Variants in DOCK4 observed in about 807,000 individuals in gnomAD.
DOCK4 encodes dedicator of cytokinesis protein 4.
A neutral mutation model predicts 268.1 loss-of-function variants in DOCK4; 97 were observed. The ratio of observed to expected loss-of-function variants is 0.36; its 90% CI spans 0.31 to 0.43. The LOEUF (loss-of-function observed/expected upper bound fraction) is 0.43. Ranked by LOEUF, DOCK4 falls within the 20% of genes least tolerant of loss-of-function variation. The pLI is 1.00. For synonymous variants in DOCK4, 954 were observed against 887.2 expected (o/e 1.08, Z -1.34); for missense variants, 2,145 against 2,455.7 (o/e 0.87, Z 2.67).
chr7:111,749,696 T>C (rs1796503473), intron 42 of DOCK4, among the ~76,000 whole-genome samples: 1 of 152,178 alleles, frequency 6.6e-6, no homozygotes, highest in Admixed American at 6.5e-5. Flanking sequence ...GCAAAGGATA[T>C]GATTGGTATA....
At chr7:111,973,186 T>TATATAA (rs1554399511) in intron 8 of DOCK4, among the ~76,000 whole-genome samples, 2 of 137,562 alleles carry the variant, frequency 1.5e-5, no homozygotes, top group African/African-American at 5.2e-5. Context: ...TATATATATA[T>TATATAA]AATATTTTCT....
intron 1 of DOCK4, among the ~76,000 whole-genome samples, chr7:112,180,742 T>G (rs1239117689): frequency 6.6e-6 from 1 of 152,190 alleles, no homozygotes; most frequent in Admixed American, 6.5e-5. Context: ...CAGCACTTTG[T>G]GGCTGTGCAC....
At chr7:111,888,858 C>T (rs1427294959) in intron 16 of DOCK4, among the ~76,000 whole-genome samples, 5 of 152,070 alleles carry the variant, frequency 3.3e-5, no homozygotes, top group South Asian at 2.1e-4. Flanking sequence ...AAGAGGGTGG[C>T]GAAAGAGTAT....
chr7:112,049,510 C>T (rs1312870180), intron 1 of DOCK4, among the ~76,000 whole-genome samples: 2 of 151,816 alleles, frequency 1.3e-5, no homozygotes, highest in East Asian at 1.9e-4. Context: ...ATACATATAG[C>T]AAGAGGACAG....
chr7:111,775,544 A>C (rs1798388176), intron 36 of DOCK4, among the ~76,000 whole-genome samples: 1 of 152,224 alleles, frequency 6.6e-6, no homozygotes, highest in African/African-American at 2.4e-5. Flanking sequence ...TACCACAGTT[A>C]ATTCTGTTTT....
chr7:112,073,358 T>A (rs946113176), intron 1 of DOCK4, among the ~76,000 whole-genome samples: 16 of 152,226 alleles, frequency 1.1e-4, no homozygotes, highest in African/African-American at 3.6e-4. Flanking sequence ...ACTGTCGCAT[T>A]ATCCACAATA....
intron 1 of DOCK4, among the ~76,000 whole-genome samples, chr7:112,156,283 T>C (rs1237223933): frequency 6.6e-6 from 1 of 152,228 alleles, no homozygotes; most frequent in African/African-American, 2.4e-5. Flanking sequence ...CTTCTCAGTC[T>C]AAAAGAACTA....
At chr7:111,733,561 C>T (rs189581276) in intron 51 of DOCK4, among the ~76,000 whole-genome samples, 6 of 152,280 alleles carry the variant, frequency 3.9e-5, no homozygotes, top group East Asian at 3.9e-4. Context: ...CCTGCCTTAA[C>T]GGTGGTAGAA....
At chr7:111,844,080 G>A (rs563139886) in intron 25 of DOCK4, among the ~76,000 whole-genome samples, 180 of 152,246 alleles carry the variant, frequency 1.2e-3, no homozygotes, top group Non-Finnish European at 2.2e-3. Flanking sequence ...CTCGAGATCA[G>A]CCTGACCAAC....
intron 1 of DOCK4, among the ~76,000 whole-genome samples, chr7:112,169,304 C>T (rs1817873792): frequency 6.6e-6 from 1 of 152,158 alleles, no homozygotes; most frequent in African/African-American, 2.4e-5. Context: ...TACCCAGTCT[C>T]AGGTATTCCT....
chr7:112,199,308 T>C (rs901115414), intron 1 of DOCK4, among the ~76,000 whole-genome samples: 1 of 152,182 alleles, frequency 6.6e-6, no homozygotes, highest in African/African-American at 2.4e-5. Flanking sequence ...TAGCAAGTGC[T>C]CCACAAATGC....
intron 1 of DOCK4, among the ~76,000 whole-genome samples, chr7:112,110,367 G>A (rs886966800): frequency 1.3e-5 from 2 of 152,206 alleles, no homozygotes; most frequent in Non-Finnish European, 2.9e-5. Flanking sequence ...ATTGAGTCCA[G>A]GGTGATATAT....
At chr7:111,946,015 C>T (rs547648508) in intron 8 of DOCK4, among the ~76,000 whole-genome samples, 41 of 152,238 alleles carry the variant, frequency 2.7e-4, no homozygotes, top group African/African-American at 9.4e-4. Context: ...GCAGAAAGCA[C>T]CTATATACAA....
At chr7:111,766,109 G>A (rs986140452) in intron 38 of DOCK4, among the ~76,000 whole-genome samples, 1 of 152,196 alleles carries the variant, frequency 6.6e-6, no homozygotes, top group Non-Finnish European at 1.5e-5. Context: ...TGCAGTGCCT[G>A]CCAGAGTCAA....
In DOCK4 at chr7:111,834,786, A is replaced by G. The variant is rs1004568698; in HGVS notation, c.2737-100T>C. On this transcript the variant is annotated intron_variant, in intron 25 of 52. Transcript: ENST00000428084. The stretch of plus-strand genomic sequence containing the variant: ...ACTGTCCTCAAAGAGAATAGGTTAA[A>G]ATGAAATCACGATGATCCAAACTTG... 2.5e-5 allele frequency: 19 copies of G among 766,778 alleles called. No homozygotes were observed. In the African/African-American group the frequency reaches 3.5e-4, roughly 14 times the overall value. 47.5% of individuals were successfully genotyped at this position (766,778 alleles called of 1,614,324 possible).
intron 21 of DOCK4, among the ~76,000 whole-genome samples, chr7:111,869,088 T>C (rs189280204): frequency 2.3e-3 from 354 of 152,278 alleles, no homozygotes; most frequent in Middle Eastern, 6.8e-3. Context: ...CACAGACAAC[T>C]GAGCATATGG....
chr7:111,991,961 C>CAAAAAAAAAAAAAAAAAAA (rs60667093), intron 5 of DOCK4, among the ~76,000 whole-genome samples: 1 of 50,916 alleles, frequency 2.0e-5, no homozygotes, highest in East Asian at 7.3e-4. Context: ...ACTCTGTCTC[C>CAAAAAAAAAAAAAAAAAAA]AAAAAAAAAA....
intron 52 of DOCK4, among the ~76,000 whole-genome samples, chr7:111,731,161 G>A (rs1022339553): frequency 3.9e-5 from 6 of 152,108 alleles, no homozygotes; most frequent in Non-Finnish European, 5.9e-5. Flanking sequence ...AGAACAAAAC[G>A]AGCAAATCAC....
In DOCK4 at chr7:111,963,502, C is replaced by A. The variant is rs1797117132; in HGVS notation, c.701+13630G>T. On this transcript the variant is annotated intron_variant, in intron 8 of 52. Transcript: ENST00000428084. Reference sequence around the variant, plus strand: ...CCGAATATTGCGCTTTTCAGACCGGCTTAAGAAACGGCGCACCACGAGACT... The same window carrying A: ...CCGAATATTGCGCTTTTCAGACCGGATTAAGAAACGGCGCACCACGAGACT... 4.6e-5 allele frequency among the ~76,000 whole-genome samples: 4 copies of A among 86,144 alleles called. No individual in the cohort carries two copies. The South Asian group carries it at 1.7e-3, about 37-fold the overall frequency. The allele number at this position is 86,144 out of a possible 152,430, so 56.5% of individuals were successfully genotyped here.
Sources: gnomAD v4.1 joint callset for allele counts (sites outside exome capture counted in the v4.1 genomes callset) on GRCh38, gnomAD v4.1.1 for gene constraint, MANE v1.5 for transcripts, NCBI Gene and HGNC (gene_info 2026-07-23, HGNC 2026-07-21) for gene names.